The following PTPN14 variants were observed in gnomAD, a reference collection of about 807,000 sequenced individuals.
The protein encoded by PTPN14 is protein tyrosine phosphatase non-receptor type 14.
PTPN14 carries 53 observed loss-of-function variants against 126.8 expected under a neutral mutation model. The observed-to-expected ratio is 0.42, with a 90% CI of 0.34 to 0.53. The LOEUF is 0.53. Ranked by LOEUF, PTPN14 falls within the 20% of genes least tolerant of loss-of-function variation. The pLI, the probability that PTPN14 is intolerant of heterozygous loss-of-function variation, is 0.08. For missense variants in PTPN14, 1,257 were observed against 1,552.9 expected, an observed-to-expected ratio of 0.81 and a Z score of 3.20; for synonymous variants, 630 against 599.3, an observed-to-expected ratio of 1.05 and a Z score of -0.75.
intron 2 of PTPN14, among the ~76,000 whole-genome samples, chr1:214,460,393 T>TACACACACACACACAACACAC (rs1180677657): frequency 6.6e-6 from 1 of 151,078 alleles, no homozygotes; most frequent in African/African-American, 2.4e-5. Flanking sequence ...GACCCTTTCA[T>TACACACACACACACAACACAC]ACACACACAT....
intron 2 of PTPN14, among the ~76,000 whole-genome samples, chr1:214,460,523 CAA>C (rs1491427488): frequency 1.7e-4 from 6 of 36,010 alleles, no homozygotes; most frequent in African/African-American, 1.0e-3. Flanking sequence ...CTGAAAATTC[CAA>C]CACACACACA....
chr1:214,546,406 A>G (rs1392946293), intron 1 of PTPN14, among the ~76,000 whole-genome samples: 1 of 152,246 alleles, frequency 6.6e-6, no homozygotes, highest in Non-Finnish European at 1.5e-5. Flanking sequence ...AAGGAAATTA[A>G]GTAGAAATAA....
chr1:214,530,691 T>A (rs1655522813), intron 1 of PTPN14: 1 of 152,112 alleles, frequency 6.6e-6, no homozygotes, highest in Admixed American at 6.6e-5. Flanking sequence ...AATAAATAAT[T>A]CAGTGAAGGA....
At chr1:214,547,305 T>C (rs1419935239) in intron 1 of PTPN14, among the ~76,000 whole-genome samples, 1 of 152,208 alleles carries the variant, frequency 6.6e-6, no homozygotes, top group Non-Finnish European at 1.5e-5. Flanking sequence ...GATACCTTCA[T>C]ATGATCTCCA....
chr1:214,399,047 G>A (rs1427163400), intron 7 of PTPN14, among the ~76,000 whole-genome samples: 2 of 152,186 alleles, frequency 1.3e-5, no homozygotes, highest in African/African-American at 4.8e-5. Flanking sequence ...GATTACAGGC[G>A]TGAGCCACCG....
At chr1:214,519,442 C>A (rs1452782082) in intron 1 of PTPN14, among the ~76,000 whole-genome samples, 4 of 152,122 alleles carry the variant, frequency 2.6e-5, no homozygotes, top group Non-Finnish European at 5.9e-5. Flanking sequence ...CCCAAACTTG[C>A]AACACAGTGA....
At chr1:214,465,037 C>A (rs915000967) in intron 1 of PTPN14, 80 bp from the exon 2 acceptor site, 3 of 275,872 alleles carry the variant, frequency 1.1e-5, no homozygotes, top group South Asian at 9.0e-5. Flanking sequence ...ACACAGAAGC[C>A]CCCCCCCCCC....
chr1:214,482,706 A>G (rs1190954263), intron 1 of PTPN14: 441 of 1,236,328 alleles, frequency 3.6e-4, no homozygotes, highest in Middle Eastern at 5.7e-4. Context: ...TCCAAGAGCA[A>G]AAGTTAAGAC....
chr1:214,445,198 G>A (rs1367141270), intron 3 of PTPN14, among the ~76,000 whole-genome samples: 6 of 152,210 alleles, frequency 3.9e-5, no homozygotes, highest in Admixed American at 3.9e-4. Context: ...AAGAGTAGGG[G>A]ATACCCATAG....
intron 17 of PTPN14, among the ~76,000 whole-genome samples, chr1:214,366,732 C>T (rs1052546408): frequency 1.3e-5 from 2 of 152,084 alleles, no homozygotes; most frequent in Non-Finnish European, 2.9e-5. Context: ...ATTGGCCGGG[C>T]GCGGTGGCTC....
At chr1:214,388,066 C>T (rs902775313) in intron 11 of PTPN14, among the ~76,000 whole-genome samples, 4 of 152,112 alleles carry the variant, frequency 2.6e-5, no homozygotes, top group Non-Finnish European at 5.9e-5. Context: ...TGAATAACTT[C>T]ATGCTGCGGA....
intron 7 of PTPN14, among the ~76,000 whole-genome samples, chr1:214,398,770 AT>A (rs764650891): frequency 0.016 from 2,286 of 140,724 alleles, 34 homozygotes; most frequent in African/African-American, 0.04. Flanking sequence ...AAAAGAGTAA[AT>A]TTTTTTTTTT....
In PTPN14 at chr1:214,374,405, C is replaced by T. The variant is rs570145690; in HGVS notation, c.2908-1566G>A. On this transcript the variant is annotated intron_variant, in intron 15 of 18. Transcript: ENST00000366956. ...TGGAATTGTGATTTTAAACATTAGC[C>T]TCTCTGGCACCCAACGTATAGGAAA... is the stretch of plus-strand genomic sequence containing the variant. 5.0e-4 allele frequency among the ~76,000 whole-genome samples: 76 copies of T among 152,302 alleles called. 1 individual carries two copies. The highest frequency in any genetic ancestry group is 8.3e-4 in the South Asian group (4 of 4,822).
rs755471806 is a variant in PTPN14, at chr1:214,414,644, C to T, written c.427G>A (p.Gly143Ser). 1.8e-5 allele frequency: 29 copies of T among 1,613,814 alleles called. 1 individual carries two copies. The highest frequency in any genetic ancestry group is 4.4e-5 in the South Asian group (4 of 91,066). Residue 143 changes from glycine (G) to serine (S), a missense_variant, in exon 4 of 19, where the codon GGC becomes AGC. Gly to Ser is a moderately conservative substitution (Grantham distance 56, BLOSUM62 0). Transcript: ENST00000366956. ...CTLDQVIRLA[G>S]LAVQADFGDY... ...TATGTCTTACCTTGCACAGCTAGGC[C>T]GGCTAGCCGAATCACCTGGTCCAAT... is the stretch of plus-strand genomic sequence containing the variant.
At position 214,432,416 on chromosome 1, in the gene PTPN14, T is replaced by C. The variant is rs144832899; in HGVS notation, c.345-17690A>G. On this transcript the variant is annotated intron_variant, in intron 3 of 18. Coordinates refer to ENST00000366956, the MANE Select transcript of PTPN14 (RefSeq NM_005401.5). The stretch of plus-strand genomic sequence containing the variant: ...TCATTTCGCTGGCAGTAATACAATT[T>C]TTGGAAAACTACTAACTAGCATATG... 6.0e-3 allele frequency among the ~76,000 whole-genome samples: 914 copies of C among 152,306 alleles called. 3 individuals are homozygous for C. The highest frequency in any genetic ancestry group is 0.023 in the South Asian group (110 of 4,826).
chr1:214,536,311 G>C (rs1655703235), intron 1 of PTPN14, among the ~76,000 whole-genome samples: 1 of 152,080 alleles, frequency 6.6e-6, no homozygotes. Context: ...AGGAGGCTGA[G>C]GTGGAAGGAT....
At chr1:214,543,994 C>A (rs933212298) in intron 1 of PTPN14, among the ~76,000 whole-genome samples, 1 of 152,208 alleles carries the variant, frequency 6.6e-6, no homozygotes, top group Non-Finnish European at 1.5e-5. Context: ...GCTATGGCTA[C>A]CCAACCTCCA....
At chr1:214,367,917 A>C (rs1291545714) in intron 17 of PTPN14, among the ~76,000 whole-genome samples, 1 of 152,208 alleles carries the variant, frequency 6.6e-6, no homozygotes, top group Non-Finnish European at 1.5e-5. Context: ...TAGTGGGTAC[A>C]TGCCCAATTT....
intron 1 of PTPN14, among the ~76,000 whole-genome samples, chr1:214,501,739 C>A (rs1015141456): frequency 3.2e-4 from 48 of 152,234 alleles, no homozygotes; most frequent in African/African-American, 1.1e-3. Context: ...CAAGTTAAAT[C>A]CATTTTTCAT....
Sources: gnomAD v4.1 joint callset for allele counts (sites outside exome capture counted in the v4.1 genomes callset) on GRCh38, gnomAD v4.1.1 for gene constraint, MANE v1.5 for transcripts, NCBI Gene and HGNC (gene_info 2026-07-23, HGNC 2026-07-21) for gene names.